The following HTR2A variants were observed in gnomAD, a reference collection of about 807,000 sequenced individuals.
HTR2A encodes 5-hydroxytryptamine receptor 2A, also known as 5-HT2 receptor.
In HTR2A, 14 loss-of-function variants were observed where a neutral mutation model predicts 31.0. That is an observed-to-expected ratio of 0.45 (90% CI 0.30 to 0.71). The LOEUF (loss-of-function observed/expected upper bound fraction) is 0.71, where lower values mean the gene tolerates loss of function less well. Among genes scored for constraint, HTR2A ranks in the 30% least tolerant of loss-of-function variants. The probability of loss-of-function intolerance (pLI) is 0.09; values close to 1 mark genes in which losing one functional copy is unlikely to be tolerated. For synonymous variants in HTR2A, 209 were observed against 225.2 expected, an observed-to-expected ratio of 0.93 and a Z score of 0.64; for missense variants, 442 against 573.3, an observed-to-expected ratio of 0.77 and a Z score of 2.34.
chr13:46,888,164 G>C (rs1472054297), intron 3 of HTR2A, among the ~76,000 whole-genome samples: 4 of 152,068 alleles, frequency 2.6e-5, no homozygotes, highest in African/African-American at 9.7e-5. Flanking sequence ...TGGAGTCCCA[G>C]ACATGAGGAA....
In HTR2A at chr13:46,835,619, C is replaced by A. The variant is rs907368969; in HGVS notation, c.634G>T (p.Val212Phe). ...TTCGAATCGTCCTGTAGCCCAAAGA[C>A]TGGTATTGGCATGGATATACCTGGA... ...ISVGISMPIP[V>F]FGLQDDSKVF... Residue 212 changes from valine (V) to phenylalanine (F), a missense_variant, in exon 4 of 4, where the codon GTC becomes TTC. Physicochemically the swap from Val to Phe is conservative, Grantham distance 50. Around this residue, in one of 5 missense-constraint regions of HTR2A, gnomAD observed 174 missense variants for 195.1 expected, o/e 0.89. Transcript: ENST00000542664. 2.8e-5 allele frequency: 45 copies of A among 1,613,168 alleles called. No homozygotes were observed. The highest frequency in any genetic ancestry group is 3.7e-5 in the Non-Finnish European group (44 of 1,179,474).
At chr13:46,871,649 C>G (rs1950863814) in intron 3 of HTR2A, among the ~76,000 whole-genome samples, 1 of 152,168 alleles carries the variant, frequency 6.6e-6, no homozygotes, top group African/African-American at 2.4e-5. Flanking sequence ...CAGGTAGGCA[C>G]ACAGAGACAT....
chr13:46,891,153 C>T (rs1376053537), intron 3 of HTR2A, among the ~76,000 whole-genome samples: 1 of 152,202 alleles, frequency 6.6e-6, no homozygotes, highest in Non-Finnish European at 1.5e-5. Context: ...CTGGTTTCCT[C>T]ATTTATCAAA....
chr13:46,867,697 A>G (rs561816571), intron 3 of HTR2A, among the ~76,000 whole-genome samples: 1 of 152,292 alleles, frequency 6.6e-6, no homozygotes, highest in Admixed American at 6.5e-5. Context: ...TATACAATCC[A>G]CTGTGTCTGT....
intron 3 of HTR2A, among the ~76,000 whole-genome samples, chr13:46,858,455 T>A (rs1950755892): frequency 6.6e-6 from 1 of 152,064 alleles, no homozygotes; most frequent in South Asian, 2.1e-4. Flanking sequence ...GGGCTGTGGA[T>A]GGAAGGCAGG....
intron 3 of HTR2A, among the ~76,000 whole-genome samples, chr13:46,884,885 G>C (rs1405881300): frequency 6.6e-6 from 1 of 151,886 alleles, no homozygotes; most frequent in African/African-American, 2.4e-5. Flanking sequence ...ACCAGAATGA[G>C]CTCACACCAT....
At chr13:46,836,400 A>T (rs1876454567) in intron 3 of HTR2A, among the ~76,000 whole-genome samples, 1 of 152,344 alleles carries the variant, frequency 6.6e-6, no homozygotes, top group Middle Eastern at 3.4e-3. Flanking sequence ...ATATAAAAGC[A>T]AATGTGTATA....
chr13:46,875,723 G>T (rs1950903553), intron 3 of HTR2A, among the ~76,000 whole-genome samples: 1 of 152,112 alleles, frequency 6.6e-6, no homozygotes, highest in Admixed American at 6.5e-5. Context: ...AATCTTCCTA[G>T]AAGTGACTCT....
intron 3 of HTR2A, among the ~76,000 whole-genome samples, chr13:46,867,249 A>T (rs1449841820): frequency 6.6e-6 from 1 of 152,162 alleles, no homozygotes; most frequent in East Asian, 1.9e-4. Flanking sequence ...CTGGTTGATG[A>T]CCCTCACCTA....
At chr13:46,882,433 A>T (rs1950974341) in intron 3 of HTR2A, among the ~76,000 whole-genome samples, 1 of 152,210 alleles carries the variant, frequency 6.6e-6, no homozygotes, top group African/African-American at 2.4e-5. Context: ...GCAGAAAAAG[A>T]TAAAATTAGA....
At chr13:46,873,405 C>CATT (rs58440770) in intron 3 of HTR2A, among the ~76,000 whole-genome samples, 111,186 of 148,302 alleles carry the variant, frequency 0.75, 41,919 homozygotes, top group African/African-American at 0.82. Context: ...ATATCCAAAA[C>CATT]ATTCCCAACT....
At chr13:46,850,243 T>C (rs1051851672) in intron 3 of HTR2A, among the ~76,000 whole-genome samples, 36 of 152,292 alleles carry the variant, frequency 2.4e-4, no homozygotes, top group African/African-American at 8.2e-4. Flanking sequence ...GTCATGGTGG[T>C]GGTAGTAAAT....
Position 46,851,947 on chromosome 13 carries a change from T to C in HTR2A, c.614-16308A>G, listed in dbSNP as rs181109383. On this transcript the variant is annotated intron_variant, in intron 3 of 3. Transcript: ENST00000542664. The stretch of plus-strand genomic sequence containing the variant: ...GAAATAATTAGAGTGCCCTGGATTA[T>C]CCAGGTGGGCCCAATGTAATCACAG... Among the ~76,000 whole-genome samples the C allele has an allele frequency of 1.4e-3, 215 of 152,308 alleles. 1 individual carries two copies. The highest frequency in any genetic ancestry group is 6.7e-3 in the Admixed American group (102 of 15,302).
In HTR2A at chr13:46,843,748, A is replaced by T. The variant is rs188000524; in HGVS notation, c.614-8109T>A. Among the ~76,000 whole-genome samples, 13 of 152,260 alleles carry T rather than the reference A, an allele frequency of 8.5e-5. No individual in the cohort carries two copies. In the East Asian group the frequency reaches 2.3e-3, roughly 27 times the overall value. On this transcript the variant is annotated intron_variant, in intron 3 of 3. Transcript: ENST00000542664. The stretch of plus-strand genomic sequence containing the variant: ...AATTTTGATGACTTTCCTTTCCCTG[A>T]AATGCTACACCAATGAGTAGGGGCT...
chr13:46,896,061 A>G lies in HTR2A; in HGVS notation c.-155T>C, dbSNP rs1398921051. 2.9e-6 allele frequency: 4 copies of G among 1,400,906 alleles called. No individual in the cohort carries two copies. Among genetic ancestry groups the G allele is most frequent in the South Asian group, 1.8e-5 (1 of 55,376 alleles). 86.8% of individuals were successfully genotyped at this position (1,400,906 alleles called of 1,614,324 possible). A position where few individuals can be genotyped will look rare whatever the true frequency, so the allele number is the denominator to read the frequency against. Reference sequence around the variant, plus strand: ...TGGATTTTTGTCTTCCATTATTACAATGATAGTTAAAGAACTGAACTGTGG... The same window carrying G: ...TGGATTTTTGTCTTCCATTATTACAGTGATAGTTAAAGAACTGAACTGTGG... On this transcript the variant is annotated 5_prime_UTR_variant, in exon 2 of 4. Transcript: ENST00000542664.
rs375047522 is a variant in HTR2A, at chr13:46,889,933, C to CT, written c.613+2456dup. Among the ~76,000 whole-genome samples the CT allele has an allele frequency of 7.2e-5, 11 of 152,242 alleles. No individual in the cohort carries two copies. In the East Asian group the frequency reaches 1.3e-3, roughly 19 times the overall value. On this transcript the variant is annotated intron_variant, in intron 3 of 3. Transcript: ENST00000542664. The stretch of plus-strand genomic sequence containing the variant: ...GACTTCTAGTATAGATTCTATGTAA[C>CT]TTTTTTTTATTCTTTTGTTTCCTTG...
chr13:46,875,472 G>A (rs1370313825), intron 3 of HTR2A, among the ~76,000 whole-genome samples: 1 of 152,138 alleles, frequency 6.6e-6, no homozygotes, highest in Non-Finnish European at 1.5e-5. Context: ...TCTAACTCAT[G>A]AAATCAGTTA....
intron 3 of HTR2A, among the ~76,000 whole-genome samples, chr13:46,881,923 T>C (rs1278138469): frequency 6.6e-6 from 1 of 152,188 alleles, no homozygotes; most frequent in Non-Finnish European, 1.5e-5. Context: ...TACGGTATCA[T>C]AGGAAAATAT....
intron 3 of HTR2A, among the ~76,000 whole-genome samples, chr13:46,850,689 G>C (rs529406760): frequency 7.9e-5 from 12 of 152,216 alleles, no homozygotes; most frequent in Non-Finnish European, 1.5e-4. Context: ...GTGGGGACAG[G>C]CCTCCTTTTA....
Sources: gnomAD v4.1 joint callset for allele counts (sites outside exome capture counted in the v4.1 genomes callset) on GRCh38, gnomAD v4.1.1 for gene constraint, gnomAD v4.1.1 regional missense constraint, MANE v1.5 for transcripts, NCBI Gene and HGNC (gene_info 2026-07-23, HGNC 2026-07-21) for gene names.